Variants in LYZL4 observed in about 807,000 individuals in gnomAD.
LYZL4 encodes lysozyme-like protein 4.
Under a neutral mutation model 17.6 loss-of-function variants are expected in LYZL4, and 13 were observed. The observed-to-expected ratio is 0.74, with a 90% confidence interval of 0.48 to 1.18. The LOEUF (loss-of-function observed/expected upper bound fraction) is 1.18, where lower values mean the gene tolerates loss of function less well. Ranked by LOEUF, LYZL4 falls within the 50% of genes most tolerant of loss-of-function variation. The pLI, the probability that LYZL4 is intolerant of heterozygous loss-of-function variation, is 0.00. For synonymous variants in LYZL4, 64 were observed against 67.7 expected (o/e 0.95, Z 0.27); for missense variants, 174 against 188.2 (o/e 0.92, Z 0.44).
the LYZL4 span, among the ~76,000 whole-genome samples, chr3:42,375,548 T>G: frequency 6.6e-6 from 1 of 152,194 alleles, no homozygotes; most frequent in Non-Finnish European, 1.5e-5. Context: ...ATGCAACTTG[T>G]GTCTGCCTTA....
At chr3:42,379,964 C>T in the LYZL4 span, among the ~76,000 whole-genome samples, 297 of 152,228 alleles carry the variant, frequency 2.0e-3, no homozygotes, top group African/African-American at 6.6e-3. Flanking sequence ...GAGCAGTGAC[C>T]GAAAATTGTA....
At position 42,403,929 on chromosome 3, in the gene LYZL4, CAG is replaced by C; in HGVS notation, c.371+115_371+116del. The C allele has an allele frequency of 4.6e-6, 3 of 655,776 alleles. No homozygotes were observed. The South Asian group carries it at 6.5e-5, about 14-fold the overall frequency. The allele number at this position is 655,776 out of a possible 1,614,324, so 40.6% of individuals were successfully genotyped here. ...TTTTCTGCTACTTACCTTGGTGAGT[CAG>C]AGCCTTTTAGTTTTGGCACTGCACG... On this transcript the variant is annotated intron_variant, in intron 4 of 4. Transcript: ENST00000287748.
At chr3:42,399,502 A>G (rs550306222) in intron 4 of LYZL4, among the ~76,000 whole-genome samples, 105 of 152,356 alleles carry the variant, frequency 6.9e-4, no homozygotes, top group Non-Finnish European at 1.3e-3. Flanking sequence ...CAGCTGTTAC[A>G]GCGATGGCAG....
chr3:42,393,783 C>T (rs1698518418), downstream of LYZL4, among the ~76,000 whole-genome samples: 1 of 152,040 alleles, frequency 6.6e-6, no homozygotes, highest in Non-Finnish European at 1.5e-5. Context: ...TTAACAGTCG[C>T]CCCAGGTGAT....
chr3:42,385,675 T>C, the LYZL4 span, among the ~76,000 whole-genome samples: 5 of 152,198 alleles, frequency 3.3e-5, no homozygotes, highest in African/African-American at 1.2e-4. Flanking sequence ...TGGATTCAAA[T>C]GCTACCCTCA....
chr3:42,403,408 C>T (rs1365960571), intron 4 of LYZL4, among the ~76,000 whole-genome samples: 2 of 152,014 alleles, frequency 1.3e-5, no homozygotes, highest in African/African-American at 2.4e-5. Context: ...TACAGGCACA[C>T]ACCACCACAC....
the LYZL4 span, among the ~76,000 whole-genome samples, chr3:42,389,741 C>T: frequency 1.3e-5 from 2 of 152,122 alleles, no homozygotes; most frequent in Non-Finnish European, 2.9e-5. Context: ...TGGCATCATC[C>T]AGTGACAGAA....
At chr3:42,376,297 G>A in the LYZL4 span, among the ~76,000 whole-genome samples, 1 of 152,188 alleles carries the variant, frequency 6.6e-6, no homozygotes, top group Admixed American at 6.5e-5. Flanking sequence ...GGGAAGTAGA[G>A]GCTGAACATT....
At chr3:42,364,341 C>CTTTTT in the LYZL4 span, among the ~76,000 whole-genome samples, 142 of 119,824 alleles carry the variant, frequency 1.2e-3, 1 homozygote, top group African/African-American at 3.4e-3. Context: ...TTTTTCTTTT[C>CTTTTT]TTTTTTTTTT....
intron 4 of LYZL4, among the ~76,000 whole-genome samples, chr3:42,403,024 A>C (rs1241333153): frequency 1.3e-5 from 2 of 152,264 alleles, no homozygotes; most frequent in Non-Finnish European, 2.9e-5. Flanking sequence ...CTTCTAAGCA[A>C]ATATCTGGCT....
At chr3:42,387,440 C>T in the LYZL4 span, among the ~76,000 whole-genome samples, 16 of 152,316 alleles carry the variant, frequency 1.1e-4, no homozygotes, top group South Asian at 3.1e-3. Context: ...TTGCCTCTCA[C>T]AGTAACAGTT....
the LYZL4 span, among the ~76,000 whole-genome samples, chr3:42,384,482 G>A: frequency 6.6e-6 from 1 of 152,150 alleles, no homozygotes; most frequent in Admixed American, 6.5e-5. Flanking sequence ...GCAGTCAGAA[G>A]TCATGAGGAG....
the LYZL4 span, among the ~76,000 whole-genome samples, chr3:42,361,546 G>A: frequency 9.2e-4 from 140 of 151,550 alleles, 1 homozygote; most frequent in Middle Eastern, 6.8e-3. Flanking sequence ...GGGCAACATG[G>A]TGAAACCCCA....
downstream of LYZL4, among the ~76,000 whole-genome samples, chr3:42,393,027 T>C (rs888826054): frequency 1.3e-5 from 2 of 151,414 alleles, no homozygotes; most frequent in Non-Finnish European, 1.5e-5. Context: ...GGAAAAATAG[T>C]GAGCCAAAAG....
At chr3:42,397,893 A>G (rs1698582890) in intron 4 of LYZL4, among the ~76,000 whole-genome samples, 2 of 152,072 alleles carry the variant, frequency 1.3e-5, no homozygotes, top group African/African-American at 4.8e-5. Context: ...TGTCAAAGTG[A>G]TTCCCTTGTT....
At chr3:42,403,435 T>A (rs116575032) in intron 4 of LYZL4, among the ~76,000 whole-genome samples, 4,085 of 152,080 alleles carry the variant, frequency 0.027, 90 homozygotes, top group South Asian at 0.13. Flanking sequence ...TATTTTATTT[T>A]ATTTATTTAT....
chr3:42,366,711 A>G, the LYZL4 span, among the ~76,000 whole-genome samples: 4 of 152,078 alleles, frequency 2.6e-5, no homozygotes, highest in Non-Finnish European at 5.9e-5. Flanking sequence ...CAGCCCTCAC[A>G]CTCAAATGCT....
chr3:42,394,953 G>A (rs539898822), downstream of LYZL4, among the ~76,000 whole-genome samples: 37 of 152,262 alleles, frequency 2.4e-4, no homozygotes, highest in African/African-American at 7.9e-4. Context: ...ACCTACCCTC[G>A]GAAGCAATGT....
chr3:42,368,596 A>AT, the LYZL4 span, among the ~76,000 whole-genome samples: 22 of 151,456 alleles, frequency 1.5e-4, no homozygotes, highest in Non-Finnish European at 2.4e-4. Context: ...TGTTGGATAG[A>AT]TTTTTTTTTC....
Sources: gnomAD v4.1 joint callset for allele counts (sites outside exome capture counted in the v4.1 genomes callset) on GRCh38, gnomAD v4.1.1 for gene constraint, MANE v1.5 for transcripts, NCBI Gene and HGNC (gene_info 2026-07-23, HGNC 2026-07-21) for gene names.